The following MRTFB variants were observed in gnomAD, a reference collection of about 807,000 sequenced individuals.
MRTFB encodes myocardin-related transcription factor B.
A neutral mutation model predicts 104.2 loss-of-function variants in MRTFB; 29 were observed. That is an observed-to-expected ratio of 0.28 (90% CI 0.21 to 0.38). The LOEUF (loss-of-function observed/expected upper bound fraction) is 0.38. Ranked by LOEUF, MRTFB falls within the 10% of genes least tolerant of loss-of-function variation. The pLI is 1.00. For missense variants in MRTFB, 1,270 were observed against 1,341.6 expected (o/e 0.95, Z 0.83); for synonymous variants, 535 against 519.5 (o/e 1.03, Z -0.41).
intron 3 of MRTFB, among the ~76,000 whole-genome samples, chr16:14,187,953 G>A (rs758914262): frequency 2.6e-5 from 4 of 152,040 alleles, no homozygotes; most frequent in Non-Finnish European, 4.4e-5. Context: ...CTTGCCTCCC[G>A]CTCGCTCTTG....
At chr16:14,077,799 C>T (rs1464673343) in intron 1 of MRTFB, among the ~76,000 whole-genome samples, 4 of 152,154 alleles carry the variant, frequency 2.6e-5, no homozygotes, top group Non-Finnish European at 4.4e-5. Context: ...GGTTGCCATT[C>T]CCTCATTTTT....
chr16:14,146,222 A>G (rs1167303324), intron 3 of MRTFB, among the ~76,000 whole-genome samples: 1 of 152,224 alleles, frequency 6.6e-6, no homozygotes. Context: ...GCTGATTTAG[A>G]CTTTTGTAAA....
chr16:14,003,360 G>T, the MRTFB span, among the ~76,000 whole-genome samples: 1 of 152,156 alleles, frequency 6.6e-6, no homozygotes, highest in African/African-American at 2.4e-5. Flanking sequence ...GCACGCCTCT[G>T]CCCCTTCCAC....
chr16:14,241,209 C>T lies in MRTFB; in HGVS notation c.1079+725C>T, dbSNP rs149151522. On this transcript the variant is annotated intron_variant, in intron 10 of 16. Coordinates refer to ENST00000571589, the MANE Select transcript of MRTFB (RefSeq NM_001308142.2). ...CAGCTGGATGCTGGTGTTGAAGGGA[C>T]GTCTGGAGACAATGAAGAGCTCTGG... 698 of 161,600 alleles carry T rather than the reference C, an allele frequency of 4.3e-3. 6 individuals are homozygous for T. Among genetic ancestry groups the T allele is most frequent in the African/African-American group, 0.016 (651 of 41,766 alleles). 10.0% of individuals were successfully genotyped at this position (161,600 alleles called of 1,614,324 possible).
At chr16:14,175,305 G>A (rs943874890) in intron 3 of MRTFB, among the ~76,000 whole-genome samples, 1 of 152,152 alleles carries the variant, frequency 6.6e-6, no homozygotes, top group African/African-American at 2.4e-5. Context: ...CCTCACGCCT[G>A]TTTATAATCC....
At chr16:14,132,810 A>C (rs1246013346) in intron 2 of MRTFB, among the ~76,000 whole-genome samples, 1 of 152,192 alleles carries the variant, frequency 6.6e-6, no homozygotes, top group African/African-American at 2.4e-5. Flanking sequence ...GTTTCAGGAC[A>C]TGCTGAGTGG....
At chr16:14,041,817 T>C in the MRTFB span, among the ~76,000 whole-genome samples, 2 of 151,870 alleles carry the variant, frequency 1.3e-5, no homozygotes, top group South Asian at 4.2e-4. Context: ...TCCCATCTAC[T>C]TGGGAGGCTG....
At chr16:14,014,426 C>T in the MRTFB span, among the ~76,000 whole-genome samples, 1 of 151,780 alleles carries the variant, frequency 6.6e-6, no homozygotes, top group South Asian at 2.1e-4. Context: ...CATGGTGGCA[C>T]ACGCCTACAG....
At chr16:14,260,039 A>G (rs2043698958) in intron 16 of MRTFB, among the ~76,000 whole-genome samples, 3 of 152,234 alleles carry the variant, frequency 2.0e-5, no homozygotes, top group African/African-American at 4.8e-5. Context: ...AAAACTTAAG[A>G]TACTTCATTC....
intron 2 of MRTFB, among the ~76,000 whole-genome samples, chr16:14,097,105 G>A (rs1055034321): frequency 1.3e-5 from 2 of 152,184 alleles, no homozygotes; most frequent in African/African-American, 2.4e-5. Context: ...TAAATGCAAT[G>A]ATTATGACCT....
At chr16:14,237,575 T>C (rs1455311092) in intron 9 of MRTFB, among the ~76,000 whole-genome samples, 3 of 152,346 alleles carry the variant, frequency 2.0e-5, no homozygotes, top group African/African-American at 7.2e-5. Context: ...AATGAGTCTG[T>C]AGCTTGATTA....
At chr16:14,219,127 C>T (rs2041568020) in intron 8 of MRTFB, 129 bp downstream of exon 8, 1 of 1,004,982 alleles carries the variant, frequency 1.0e-6, no homozygotes, top group Non-Finnish European at 1.3e-6. Context: ...AAGCAAAAAG[C>T]AGGCACTTAA....
chr16:14,032,683 G>A, the MRTFB span, among the ~76,000 whole-genome samples: 2 of 152,110 alleles, frequency 1.3e-5, no homozygotes, highest in Non-Finnish European at 2.9e-5. Flanking sequence ...TGAAGTGGGG[G>A]CAGTCTTATG....
chr16:14,238,944 T>G (rs2042644773), intron 9 of MRTFB, among the ~76,000 whole-genome samples: 1 of 152,240 alleles, frequency 6.6e-6, no homozygotes, highest in Non-Finnish European at 1.5e-5. Flanking sequence ...GGGCAGATTA[T>G]AGCCTTTGCC....
intron 15 of MRTFB, among the ~76,000 whole-genome samples, chr16:14,254,573 T>G (rs566496790): frequency 6.6e-6 from 1 of 152,348 alleles, no homozygotes; most frequent in South Asian, 2.1e-4. Context: ...GGCTGACCCC[T>G]AAGCCATACA....
intron 15 of MRTFB, 113 bp from the exon 16 acceptor site, chr16:14,257,988 T>G (rs2151467253): frequency 4.4e-6 from 4 of 905,660 alleles, no homozygotes; most frequent in African/African-American, 1.7e-5. Context: ...GTTTTCAAAA[T>G]TATCACGATA....
At chr16:14,116,624 A>G (rs9932737) in intron 2 of MRTFB, among the ~76,000 whole-genome samples, 25,948 of 150,664 alleles carry the variant, frequency 0.17, 3,659 homozygotes, top group African/African-American at 0.37. Flanking sequence ...TCTCTACCTT[A>G]GCACTATTGA....
At chr16:14,027,125 C>G in the MRTFB span, among the ~76,000 whole-genome samples, 1 of 152,260 alleles carries the variant, frequency 6.6e-6, no homozygotes, top group Middle Eastern at 3.4e-3. Flanking sequence ...CAGCTTTATT[C>G]ATAATAGTCC....
At chr16:14,220,123 A>G (rs1195726475) in intron 8 of MRTFB, among the ~76,000 whole-genome samples, 1 of 152,164 alleles carries the variant, frequency 6.6e-6, no homozygotes, top group Non-Finnish European at 1.5e-5. Flanking sequence ...CTGGCCTAGA[A>G]GTAGTATGAG....
Sources: gnomAD v4.1 joint callset for allele counts (sites outside exome capture counted in the v4.1 genomes callset) on GRCh38, gnomAD v4.1.1 for gene constraint, MANE v1.5 for transcripts, NCBI Gene and HGNC (gene_info 2026-07-23, HGNC 2026-07-21) for gene names.